Variants in REN observed in about 807,000 individuals in gnomAD.
REN encodes angiotensin-forming enzyme.
In REN, 42 loss-of-function variants were observed where a neutral mutation model predicts 48.6. That is an observed-to-expected ratio of 0.86 (90% CI 0.68 to 1.12). The LOEUF (loss-of-function observed/expected upper bound fraction) is 1.12. REN is among the 50% of genes most tolerant of loss of function. The pLI, the probability that REN is intolerant of heterozygous loss-of-function variation, is 0.00. For synonymous variants in REN, 196 were observed against 204.6 expected (o/e 0.96, Z 0.36); for missense variants, 443 against 527.3 (o/e 0.84, Z 1.57).
chr1:204,160,738 G>A (rs1294080277), intron 3 of REN, 60 bp from the exon 4 acceptor site: 13 of 1,215,224 alleles, frequency 1.1e-5, no homozygotes, highest in Non-Finnish European at 1.5e-5. Flanking sequence ...GGGACTCAGA[G>A]GCAGGGTGCA....
At chr1:204,164,126 T>C (rs1388243472) in intron 1 of REN, among the ~76,000 whole-genome samples, 1 of 152,226 alleles carries the variant, frequency 6.6e-6, no homozygotes, top group Non-Finnish European at 1.5e-5. Context: ...TTTTTCTCTT[T>C]TGGATAACAG....
At chr1:204,155,724 A>G in intron 9 of REN, 96 bp downstream of exon 9, 1 of 985,002 alleles carries the variant, frequency 1.0e-6, no homozygotes, top group Non-Finnish European at 1.6e-6. Flanking sequence ...TGAGAACTAC[A>G]GTTCTAACAT....
chr1:204,158,255 A>G (rs1360006633), intron 5 of REN, among the ~76,000 whole-genome samples: 2 of 151,776 alleles, frequency 1.3e-5, no homozygotes, highest in African/African-American at 2.4e-5. Flanking sequence ...TCTAAAGACC[A>G]CCCCTGAATG....
Position 204,156,783 on chromosome 1 carries a change from G to A in REN, c.712C>T (p.Leu238=). 1.2e-6 allele frequency: 2 copies of A among 1,614,030 alleles called. No homozygotes were observed. Among genetic ancestry groups the A allele is most frequent in the Non-Finnish European group, 1.7e-6 (2 of 1,180,006 alleles). The change falls in exon 7 of 10, where the codon CTG becomes TTG. Residue 238 remains leucine, a synonymous_variant. Transcript: ENST00000272190. This position sits in a 1 kb window ranked among gnomAD's most constrained non-coding sequence, Gnocchi z 4.2. ...CCTCCCAGCACAATCTGTCCTCCCA[G>A]CGATTGGGAATTCCTAAAGGAAAGA... The part of the protein sequence containing the change: ...YNRDSENSQS[L]GGQIVLGGSD...
intron 5 of REN, among the ~76,000 whole-genome samples, chr1:204,158,950 CTG>C (rs1287750924): frequency 1.3e-5 from 2 of 152,196 alleles, no homozygotes; most frequent in African/African-American, 4.8e-5. Context: ...TAATGGATGA[CTG>C]AAGTTGGCTG....
Position 204,154,875 on chromosome 1 carries a change from G to A in REN, c.*141C>T. 1.1e-6 allele frequency: 1 copy of A among 909,064 alleles called. No homozygotes were observed. The highest frequency in any genetic ancestry group is 2.6e-5 in the East Asian group (1 of 38,320). The allele number at this position is 909,064 out of a possible 1,614,324, so 56.3% of individuals were successfully genotyped here. On this transcript the variant is annotated 3_prime_UTR_variant, in exon 10 of 10. Coordinates refer to ENST00000272190, the MANE Select transcript of REN (RefSeq NM_000537.4). ...TCAAAGCAGGGAAGGGCTGGTGCAG[G>A]GGTCAGGGCACGCATCCAGCAGGAG...
At chr1:204,160,440 G>A in intron 4 of REN, 120 bp downstream of exon 4, 1 of 764,802 alleles carries the variant, frequency 1.3e-6, no homozygotes, top group Non-Finnish European at 2.4e-6. Context: ...GTGTTCCTCA[G>A]CTCCCCAGGC....
Position 204,156,715 on chromosome 1 carries a change from GT to G in REN, c.779del (p.Asn260ThrfsTer12). The G allele has an allele frequency of 6.2e-7, 1 of 1,614,116 alleles. No homozygotes were observed. The highest frequency in any genetic ancestry group is 8.5e-7 in the Non-Finnish European group (1 of 1,180,006). The part of the protein sequence containing the change: ...QHYEGNFHYI[N>X]LIKTGVWQIQ... The stretch of plus-strand genomic sequence containing the variant: ...TCTGCCAGACACCAGTCTTGATGAG[GT>G]TGATATAGTGGAAATTCCCTTCGTA... On this transcript the variant is annotated frameshift_variant, in exon 7 of 10. Transcript: ENST00000272190. LOFTEE classifies it high-confidence loss of function. The surrounding 1 kb of genome is among the most constrained non-coding windows in gnomAD (Gnocchi z 4.2).
chr1:204,156,651 C>G lies in REN; in HGVS notation c.818+26G>C. The G allele has an allele frequency of 1.2e-6, 2 of 1,612,378 alleles. No homozygotes were observed. The highest frequency in any genetic ancestry group is 3.3e-4 in the Middle Eastern group (2 of 6,046). On this transcript the variant is annotated intron_variant, in intron 7 of 9. Coordinates refer to ENST00000272190, the MANE Select transcript of REN (RefSeq NM_000537.4). The surrounding 1 kb of genome is among the most constrained non-coding windows in gnomAD (Gnocchi z 4.2). ...CCAGTGACGGCAGCATTTTTTGGAG[C>G]CCGGGGAGGGTTGAGGATTTCTGAC... is the stretch of plus-strand genomic sequence containing the variant.
Position 204,160,631 on chromosome 1 carries a change from T to C in REN, c.421A>G (p.Asn141Asp). The C allele has an allele frequency of 6.2e-7, 1 of 1,614,170 alleles. No individual in the cohort carries two copies. The highest frequency in any genetic ancestry group is 8.5e-7 in the Non-Finnish European group (1 of 1,179,994). Residue 141 changes from asparagine to aspartate, a missense_variant, in exon 4 of 10, where the codon AAT (asparagine) becomes GAT (aspartate). Coordinates refer to ENST00000272190, the MANE Select transcript of REN (RefSeq NM_000537.4). ...TAGCGGAGGGTGAGTTCTGTTCCATTGTGCTTGTAGCTGGAGGAATCCGAA... is the reference window on the plus strand; with the variant it reads ...TAGCGGAGGGTGAGTTCTGTTCCATCGTGCTTGTAGCTGGAGGAATCCGAA... ...DASDSSSYKH[N>D]GTELTLRYST...
At chr1:204,160,432 G>T (rs897856027) in intron 4 of REN, 128 bp downstream of exon 4, 10 of 747,074 alleles carry the variant, frequency 1.3e-5, no homozygotes, top group Admixed American at 9.4e-5. Context: ...AGAGTAGGGT[G>T]TTCCTCAGCT....
Position 204,156,798 on chromosome 1 carries a change from T to G in REN, c.699-2A>C. ...TGTCCTCCCAGCGATTGGGAATTCC[T>G]AAAGGAAAGATCAGAAGCTCTTGGA... On this transcript the variant is annotated splice_acceptor_variant, in intron 6 of 9. Coordinates refer to ENST00000272190, the MANE Select transcript of REN (RefSeq NM_000537.4). LOFTEE classifies it high-confidence loss of function. This position sits in a 1 kb window ranked among gnomAD's most constrained non-coding sequence, Gnocchi z 4.2. 6.2e-7 allele frequency: 1 copy of G among 1,613,868 alleles called. No homozygotes were observed. The highest frequency in any genetic ancestry group is 8.5e-7 in the Non-Finnish European group (1 of 1,180,012).
rs201432292 is a variant in REN at position 204,155,796 on chromosome 1, C to T, written c.1059+24G>A. 892 of 1,576,540 alleles carry T rather than the reference C, an allele frequency of 5.7e-4. 4 individuals carry two copies. Among genetic ancestry groups the T allele is most frequent in the East Asian group, 9.0e-5 (4 of 44,576 alleles). ...TCTGTCCAGCCTTTCTCCCTGCCAC[C>T]GAGGGGGCCGACTCGAACCTCACCT... On this transcript the variant is annotated intron_variant, in intron 9 of 9. Coordinates refer to ENST00000272190, the MANE Select transcript of REN (RefSeq NM_000537.4).
intron 4 of REN, 129 bp downstream of exon 4, chr1:204,160,431 T>G (rs1571647548): frequency 1.3e-6 from 1 of 741,160 alleles, no homozygotes. Flanking sequence ...CAGAGTAGGG[T>G]GTTCCTCAGC....
chr1:204,159,539 T>A lies in REN; in HGVS notation c.549A>T (p.Leu183Phe). Reference protein sequence around the residue: ...MFGEVTEMPALPFMLAEFDGV... With the variant: ...MFGEVTEMPAFPFMLAEFDGV... ...CATCAAACTCGGCCAGCATGAAGGG[T>A]AAGGCGGGCATCTCCGTGACCTCTC... The change falls in exon 5 of 10, where the codon TTA (leucine) becomes TTT (phenylalanine). Residue 183 changes from leucine to phenylalanine, a missense_variant. Transcript: ENST00000272190. The A allele has an allele frequency of 6.2e-7, 1 of 1,614,036 alleles. No individual in the cohort carries two copies. Among genetic ancestry groups the A allele is most frequent in the Non-Finnish European group, 8.5e-7 (1 of 1,180,012 alleles).
chr1:204,161,880 T>C (rs1365160644), intron 2 of REN, 133 bp downstream of exon 2: 3 of 1,117,816 alleles, frequency 2.7e-6, no homozygotes, highest in Non-Finnish European at 2.6e-6. Context: ...GGGAATTTTC[T>C]AGGGTGCTCA....
Position 204,156,406 on chromosome 1 carries a change from G to T in REN, c.819-87C>A. 7.3e-7 allele frequency: 1 copy of T among 1,369,064 alleles called. No individual in the cohort carries two copies. Among genetic ancestry groups the T allele is most frequent in the South Asian group, 1.3e-5 (1 of 79,966 alleles). The allele number at this position is 1,369,064 out of a possible 1,614,324, so 84.8% of individuals were successfully genotyped here. ...TCCAGGCTGCATGTCCTTCCTGAGT[G>T]TGGGTGGGTGGGTGGAGGCCACGCT... On this transcript the variant is annotated intron_variant, in intron 7 of 9. Transcript: ENST00000272190. This position sits in a 1 kb window ranked among gnomAD's most constrained non-coding sequence, Gnocchi z 4.2.
chr1:204,161,488 C>A, intron 2 of REN, 73 bp from the exon 3 acceptor site: 1 of 1,348,634 alleles, frequency 7.4e-7, no homozygotes, highest in South Asian at 2.1e-5. Context: ...TGGCTTCACT[C>A]TTGGCTCTCG....
At chr1:204,155,279 G>A (rs1658128772) in intron 9 of REN, 102 bp from the exon 10 acceptor site, 10 of 1,367,764 alleles carry the variant, frequency 7.3e-6, no homozygotes, top group East Asian at 2.3e-5. Context: ...TCCCCCTCTC[G>A]CCCCCATCTC....
Sources: gnomAD v4.1 joint callset for allele counts (sites outside exome capture counted in the v4.1 genomes callset) on GRCh38, gnomAD v4.1.1 for gene constraint, Gnocchi (gnomAD v3.1) non-coding constraint, MANE v1.5 for transcripts, NCBI Gene and HGNC (gene_info 2026-07-23, HGNC 2026-07-21) for gene names.